Variants in SDK1 observed in about 807,000 individuals in gnomAD.
SDK1 encodes protein sidekick-1.
In SDK1, 157 loss-of-function variants were observed where a neutral mutation model predicts 245.5. That is an observed-to-expected ratio of 0.64 (90% CI 0.56 to 0.73). The LOEUF is 0.73. SDK1 is among the 30% of genes least tolerant of loss of function. The pLI is 0.00. For missense variants in SDK1, 3,583 were observed against 3,002.3 expected, an observed-to-expected ratio of 1.19 and a Z score of -4.52; for synonymous variants, 1,647 against 1,278.5, an observed-to-expected ratio of 1.29 and a Z score of -6.15.
chr7:4,149,970 G>A (rs1329373998), intron 30 of SDK1, among the ~76,000 whole-genome samples: 3 of 151,538 alleles, frequency 2.0e-5, no homozygotes, highest in African/African-American at 4.9e-5. Context: ...CCTAGGACAC[G>A]ACTAGAATCC....
At chr7:3,714,367 A>C (rs1434915289) in intron 4 of SDK1, among the ~76,000 whole-genome samples, 3 of 152,248 alleles carry the variant, frequency 2.0e-5, no homozygotes, top group African/African-American at 7.2e-5. Context: ...GAATGATAGA[A>C]GTACCATAGG....
chr7:3,321,676 TCTTCTTC>T (rs1421524919), intron 1 of SDK1, among the ~76,000 whole-genome samples: 8 of 151,388 alleles, frequency 5.3e-5, no homozygotes, highest in South Asian at 2.1e-4. Context: ...GGTTGGTTTC[TCTTCTTC>T]CTTCTTCCTT....
chr7:3,696,022 C>T (rs1051302742), intron 4 of SDK1, among the ~76,000 whole-genome samples: 3 of 152,016 alleles, frequency 2.0e-5, no homozygotes, highest in Admixed American at 6.6e-5. Context: ...TTTCCTCCTT[C>T]GTTCCTCTCA....
chr7:3,467,364 A>G (rs2128597167), intron 1 of SDK1, among the ~76,000 whole-genome samples: 1 of 152,236 alleles, frequency 6.6e-6, no homozygotes, highest in East Asian at 1.9e-4. Flanking sequence ...ACTCATGAAC[A>G]TTAAAGAATT....
At chr7:4,073,045 C>G (rs994052194) in intron 20 of SDK1, among the ~76,000 whole-genome samples, 1 of 152,218 alleles carries the variant, frequency 6.6e-6, no homozygotes, top group Non-Finnish European at 1.5e-5. Context: ...AGAGAATTTA[C>G]TTTAGATCAA....
chr7:4,233,160 C>A, intron 40 of SDK1, 95 bp from the exon 41 acceptor site: 1 of 1,205,024 alleles, frequency 8.3e-7, no homozygotes, highest in Non-Finnish European at 1.2e-6. Context: ...TCATCCAGGG[C>A]TGCTGCAAGC....
intron 23 of SDK1, among the ~76,000 whole-genome samples, chr7:4,112,861 C>T (rs1001422059): frequency 2.0e-5 from 3 of 152,052 alleles, no homozygotes; most frequent in Admixed American, 6.5e-5. Context: ...TCAAGCCATT[C>T]TCCTGCATCA....
chr7:4,101,040 C>A (rs1477424358), intron 22 of SDK1, among the ~76,000 whole-genome samples: 1 of 152,214 alleles, frequency 6.6e-6, no homozygotes, highest in Admixed American at 6.5e-5. Flanking sequence ...TAGGCCAGTG[C>A]TCTCCGCACT....
intron 1 of SDK1, among the ~76,000 whole-genome samples, chr7:3,502,232 T>A (rs184575977): frequency 2.0e-4 from 31 of 151,956 alleles, no homozygotes; most frequent in South Asian, 8.3e-4. Flanking sequence ...GATTTTTTTT[T>A]AATTAATTAA....
At chr7:3,986,038 C>T (rs1283115429) in intron 13 of SDK1, among the ~76,000 whole-genome samples, 1 of 152,044 alleles carries the variant, frequency 6.6e-6, no homozygotes, top group Non-Finnish European at 1.5e-5. Context: ...GGCAGCCATC[C>T]AGGACAGCCC....
chr7:3,331,048 G>A (rs1040034009), intron 1 of SDK1, among the ~76,000 whole-genome samples: 2 of 152,022 alleles, frequency 1.3e-5, no homozygotes, highest in South Asian at 2.1e-4. Context: ...GGTGGATCAC[G>A]AGGTCAGGAG....
At chr7:3,821,898 A>G (rs1779656384) in intron 5 of SDK1, among the ~76,000 whole-genome samples, 2 of 152,226 alleles carry the variant, frequency 1.3e-5, no homozygotes, top group Admixed American at 6.5e-5. Context: ...TTCAATTTAA[A>G]TGAATTGTAT....
At chr7:4,104,267 C>T (rs1012471226) in intron 22 of SDK1, among the ~76,000 whole-genome samples, 3 of 152,180 alleles carry the variant, frequency 2.0e-5, no homozygotes, top group Non-Finnish European at 2.9e-5. Context: ...CACCACGTTG[C>T]CCAGGCTGGT....
rs1785332648 is a variant in SDK1 at position 4,224,878 on chromosome 7, G to A, written c.5827+3514G>A. ...TGCACCTATAGTCCCAGCTACTCGG[G>A]AAGCTGAGGCAGGAGAATTGCTTGA... is the stretch of plus-strand genomic sequence containing the variant. On this transcript the variant is annotated intron_variant, in intron 40 of 44. Coordinates refer to ENST00000404826, the MANE Select transcript of SDK1 (RefSeq NM_152744.4). Among the ~76,000 whole-genome samples, 3 of 150,738 alleles carry A rather than the reference G, an allele frequency of 2.0e-5. No individual in the cohort carries two copies. In the South Asian group the frequency reaches 6.3e-4, roughly 32 times the overall value.
chr7:4,257,410 A>T (rs2128242471), intron 44 of SDK1, among the ~76,000 whole-genome samples: 1 of 152,356 alleles, frequency 6.6e-6, no homozygotes, highest in East Asian at 1.9e-4. Flanking sequence ...ACTCTGCAGC[A>T]TTTCCATTTT....
intron 32 of SDK1, 108 bp downstream of exon 32, chr7:4,161,964 T>A: frequency 1.0e-6 from 1 of 975,162 alleles, no homozygotes; most frequent in Admixed American, 1.8e-5. Context: ...GAGCTAAGCG[T>A]TTGAGAGTAG....
intron 2 of SDK1, among the ~76,000 whole-genome samples, chr7:3,627,218 C>T (rs1469559861): frequency 2.0e-5 from 3 of 152,146 alleles, no homozygotes; most frequent in Non-Finnish European, 2.9e-5. Flanking sequence ...CGTGAGCTGC[C>T]ATGTCCAGCC....
At chr7:3,697,628 G>C (rs1012177728) in intron 4 of SDK1, among the ~76,000 whole-genome samples, 4 of 152,000 alleles carry the variant, frequency 2.6e-5, no homozygotes, top group African/African-American at 9.7e-5. Flanking sequence ...TCTGAATTTT[G>C]CCTTAAGCAA....
intron 32 of SDK1, among the ~76,000 whole-genome samples, chr7:4,173,677 C>G (rs1781992829): frequency 6.6e-6 from 1 of 152,198 alleles, no homozygotes. Context: ...GATGATAGGC[C>G]AGGCCAGCCA....
Sources: gnomAD v4.1 joint callset for allele counts (sites outside exome capture counted in the v4.1 genomes callset) on GRCh38, gnomAD v4.1.1 for gene constraint, MANE v1.5 for transcripts, NCBI Gene and HGNC (gene_info 2026-07-23, HGNC 2026-07-21) for gene names.